SLC6A15: variants seen among roughly 807,000 people sequenced by gnomAD.
The protein encoded by SLC6A15 is sodium-dependent neutral amino acid transporter B(0)AT2.
In SLC6A15, 33 loss-of-function variants were observed where a neutral mutation model predicts 68.5. That is an observed-to-expected ratio of 0.48 (90% CI 0.37 to 0.64). The LOEUF is 0.64. Among genes scored for constraint, SLC6A15 ranks in the 30% least tolerant of loss-of-function variants. The pLI is 0.00. For synonymous variants in SLC6A15, 347 were observed against 301.0 expected (o/e 1.15, Z -1.58); for missense variants, 747 against 874.3 (o/e 0.85, Z 1.84).
chr12:84,909,119 T>A (rs1873317418), intron 1 of SLC6A15, among the ~76,000 whole-genome samples: 1 of 152,160 alleles, frequency 6.6e-6, no homozygotes, highest in South Asian at 2.1e-4. Context: ...ATAAAAATTG[T>A]GTCCATTTGC....
rs1871098333 is a variant in SLC6A15, at chr12:84,867,138, T to C, written c.1551A>G (p.Gly517=). 1.2e-6 allele frequency: 2 copies of C among 1,612,426 alleles called. No homozygotes were observed. The highest frequency in any genetic ancestry group is 1.7e-6 in the Non-Finnish European group (2 of 1,179,198). ...CIGLIFVQRS[G]NYFVTMFDDY... ...CATCAAACATTGTAACAAAGTAATT[T>C]CCAGAGCGTTGCACAAATATCAGGC... Residue 517 remains glycine, a synonymous_variant, in exon 10 of 12, where the codon GGA becomes GGG. Coordinates refer to ENST00000266682, the MANE Select transcript of SLC6A15 (RefSeq NM_182767.6).
At chr12:84,890,610 A>T (rs1872343749) in intron 2 of SLC6A15, among the ~76,000 whole-genome samples, 1 of 152,166 alleles carries the variant, frequency 6.6e-6, no homozygotes. Context: ...TCTAAGGCAG[A>T]TTTGCCAAAT....
chr12:84,876,837 A>C (rs545919313), intron 5 of SLC6A15, among the ~76,000 whole-genome samples: 4 of 152,316 alleles, frequency 2.6e-5, no homozygotes, highest in African/African-American at 7.2e-5. Context: ...CTCCTTTGAA[A>C]AAATCCATCA....
chr12:84,870,327 A>T lies in SLC6A15; in HGVS notation c.1495+151T>A, dbSNP rs1030486619. On this transcript the variant is annotated intron_variant, in intron 9 of 11. Coordinates refer to ENST00000266682, the MANE Select transcript of SLC6A15 (RefSeq NM_182767.6). ...AATTATACAATTAAAATAAAATAAA[A>T]TAAATTATACAATGTATACAATAAT... 5 of 301,858 alleles carry T rather than the reference A, an allele frequency of 1.7e-5. No homozygotes were observed. In the East Asian group the frequency reaches 2.8e-4, roughly 17 times the overall value. 18.7% of individuals were successfully genotyped at this position (301,858 alleles called of 1,614,324 possible).
chr12:84,911,441 G>A (rs1873455107), intron 1 of SLC6A15, among the ~76,000 whole-genome samples: 1 of 152,156 alleles, frequency 6.6e-6, no homozygotes, highest in Admixed American at 6.5e-5. Context: ...GCCGGAGTCC[G>A]GACCCCGCCC....
intron 1 of SLC6A15, among the ~76,000 whole-genome samples, chr12:84,893,917 T>C (rs964008567): frequency 6.6e-6 from 1 of 152,128 alleles, no homozygotes; most frequent in African/African-American, 2.4e-5. Context: ...CAAAATATTT[T>C]GAGTGATAGA....
intron 6 of SLC6A15, among the ~76,000 whole-genome samples, chr12:84,875,541 C>G (rs963560392): frequency 1.3e-5 from 2 of 151,026 alleles, no homozygotes; most frequent in Non-Finnish European, 2.9e-5. Context: ...GCACATTCAT[C>G]CTTCAGATAA....
chr12:84,908,601 C>CATATATATATATATATATATATAT (rs3084056), intron 1 of SLC6A15, among the ~76,000 whole-genome samples: 4 of 140,512 alleles, frequency 2.8e-5, no homozygotes, highest in African/African-American at 7.7e-5. Flanking sequence ...AGTAAAGAAA[C>CATATATATATATATATATATATAT]ATATATATAT....
chr12:84,910,672 G>A (rs1873393251), intron 1 of SLC6A15, among the ~76,000 whole-genome samples: 1 of 152,084 alleles, frequency 6.6e-6, no homozygotes, highest in East Asian at 1.9e-4. Flanking sequence ...TATCTTGCTG[G>A]ACAAAGGTCC....
In SLC6A15 at chr12:84,885,875, A is replaced by G. The variant is rs746161914; in HGVS notation, c.447+36T>C. 3 of 1,554,218 alleles carry G rather than the reference A, an allele frequency of 1.9e-6. No individual in the cohort carries two copies. The South Asian group carries it at 3.7e-5, about 19-fold the overall frequency. On this transcript the variant is annotated intron_variant, in intron 3 of 11. Transcript: ENST00000266682. ...TTAATTATATAATTTGAAACCCTAT[A>G]AAGATTACAGCATACACCAACAAAA...
chr12:84,882,555 T>G (rs1871869086), intron 5 of SLC6A15: 2 of 752,510 alleles, frequency 2.7e-6, no homozygotes, highest in South Asian at 1.2e-4. Context: ...TTAGACAGAC[T>G]TCTGCCCTAA....
At chr12:84,879,002 T>C (rs1413942786) in intron 5 of SLC6A15, among the ~76,000 whole-genome samples, 1 of 151,852 alleles carries the variant, frequency 6.6e-6, no homozygotes, top group African/African-American at 2.4e-5. Flanking sequence ...ACTGAACTAT[T>C]AAAAATCCTC....
At chr12:84,865,359 A>G (rs180826822) in intron 10 of SLC6A15, among the ~76,000 whole-genome samples, 1 of 152,316 alleles carries the variant, frequency 6.6e-6, no homozygotes, top group East Asian at 1.9e-4. Context: ...GAGATTTCCC[A>G]TATAGCTCCT....
chr12:84,886,028 T>C lies in SLC6A15; in HGVS notation c.330A>G (p.Ile110Met). 6.2e-7 allele frequency: 1 copy of C among 1,609,480 alleles called. No homozygotes were observed. The highest frequency in any genetic ancestry group is 1.1e-5 in the South Asian group (1 of 90,900). ...GTTCCAAGAAAAAAAGGGGAATACC[T>C]ATTACCATAAGTAGTATTAAATATG... ...LLPYLILLMV[I>M]GIPLFFLELS... The change falls in exon 3 of 12, where the codon ATA becomes ATG. Residue 110 changes from isoleucine to methionine, a missense_variant. Ile to Met is a conservative substitution (Grantham distance 10, BLOSUM62 1). Coordinates refer to ENST00000266682, the MANE Select transcript of SLC6A15 (RefSeq NM_182767.6).
At chr12:84,900,947 T>C (rs1469267163) in intron 1 of SLC6A15, among the ~76,000 whole-genome samples, 1 of 145,996 alleles carries the variant, frequency 6.8e-6, no homozygotes, top group Non-Finnish European at 1.5e-5. Flanking sequence ...TATATGTGTA[T>C]AGATATGTAT....
intron 8 of SLC6A15, among the ~76,000 whole-genome samples, chr12:84,871,025 T>C (rs1871264029): frequency 6.6e-6 from 1 of 151,912 alleles, no homozygotes; most frequent in Non-Finnish European, 1.5e-5. Flanking sequence ...TGACATATTA[T>C]CATAGATATA....
chr12:84,892,557 T>C (rs910407968), intron 1 of SLC6A15, among the ~76,000 whole-genome samples: 3 of 152,172 alleles, frequency 2.0e-5, no homozygotes, highest in Non-Finnish European at 2.9e-5. Flanking sequence ...CAATGCATAA[T>C]GAATATTCTG....
chr12:84,867,038 C>G lies in SLC6A15; in HGVS notation c.1651G>C (p.Asp551His). ...NIAVCFVYGI[D>H]KFMEDLKDML... Reference sequence around the variant, plus strand: ...CATAAAAGCAAATATACTTACTTATCTATGCCATAAACAAAGCATACAGCA... The same window carrying G: ...CATAAAAGCAAATATACTTACTTATGTATGCCATAAACAAAGCATACAGCA... Residue 551 changes from aspartate (D) to histidine (H), a missense_variant, in exon 10 of 12, where the codon GAT becomes CAT. Transcript: ENST00000266682. 6.3e-7 allele frequency: 1 copy of G among 1,588,990 alleles called. No individual in the cohort carries two copies. The highest frequency in any genetic ancestry group is 8.5e-7 in the Non-Finnish European group (1 of 1,169,680).
At chr12:84,890,237 G>T (rs1056723265) in intron 2 of SLC6A15, among the ~76,000 whole-genome samples, 1 of 152,016 alleles carries the variant, frequency 6.6e-6, no homozygotes, top group African/African-American at 2.4e-5. Flanking sequence ...TTTAATATAT[G>T]GAAATAAGAA....
Sources: allele counts gnomAD v4.1 joint callset (sites outside exome capture counted in the v4.1 genomes callset), GRCh38; gene constraint gnomAD v4.1.1; transcripts MANE v1.5; gene names NCBI Gene and HGNC (gene_info 2026-07-23, HGNC 2026-07-21).